PLXND1: variants seen among roughly 807,000 people sequenced by gnomAD.
PLXND1 encodes the protein plexin D1, also known as plexin-D1.
A neutral mutation model predicts 197.7 loss-of-function variants in PLXND1; 54 were observed. That is an observed-to-expected ratio of 0.27 (90% CI 0.22 to 0.34). PLXND1 has a LOEUF of 0.34. Ranked by LOEUF, PLXND1 falls within the 10% of genes least tolerant of loss-of-function variation. PLXND1 has a pLI of 1.00. For missense variants in PLXND1, 2,127 were observed against 2,699.2 expected, an observed-to-expected ratio of 0.79 and a Z score of 4.70; for synonymous variants, 1,180 against 1,161.2, an observed-to-expected ratio of 1.02 and a Z score of -0.33.
chr3:129,572,889 C>T lies in PLXND1; in HGVS notation c.2890G>A (p.Val964Met), dbSNP rs553781761. 65 of 1,613,944 alleles carry T rather than the reference C, an allele frequency of 4.0e-5. No homozygotes were observed. The Middle Eastern group carries it at 1.2e-3, about 29-fold the overall frequency. ...APGPLSGVVT[V>M]NASKEGKSRD... is the part of the protein sequence containing the mutation. ...GACTTGCCCTCCTTAGAGGCGTTCA[C>T]GGTCACCACACCTGAGAGTGGTCCT... Residue 964 changes from valine to methionine, a missense_variant, in exon 14 of 36, where the codon GTG (valine) becomes ATG (methionine). Transcript: ENST00000324093.
At chr3:129,572,529 G>A in intron 15 of PLXND1, 80 bp downstream of exon 15, 1 of 1,274,438 alleles carries the variant, frequency 7.8e-7, no homozygotes, top group Admixed American at 3.2e-5. Flanking sequence ...TTGGCTCAAG[G>A]ATGTCACCTC....
chr3:129,580,979 C>T (rs1157851055), intron 8 of PLXND1, among the ~76,000 whole-genome samples: 1 of 152,136 alleles, frequency 6.6e-6, no homozygotes, highest in Non-Finnish European at 1.5e-5. Flanking sequence ...ACGGGGCACA[C>T]ATCCACCTTC....
intron 11 of PLXND1, among the ~76,000 whole-genome samples, 182 bp downstream of exon 11, chr3:129,575,287 C>A (rs992493006): frequency 1.3e-5 from 2 of 152,200 alleles, no homozygotes; most frequent in African/African-American, 4.8e-5. Flanking sequence ...GCACGGAGAC[C>A]CCAAGGCCTG....
At chr3:129,571,883 T>C (rs748445824) in intron 15 of PLXND1, 39 bp from the exon 16 acceptor site, 1 of 1,543,296 alleles carries the variant, frequency 6.5e-7, no homozygotes, top group Admixed American at 1.9e-5. Flanking sequence ...GCCTGCCTTC[T>C]GCTGCTCACC....
At position 129,557,733 on chromosome 3, in the gene PLXND1, AT is replaced by A. The variant is rs2084994995; in HGVS notation, c.5446-511del. ...GCAGTACGTGAGTAGTAGTGGAGCG[AT>A]GGCATTTTCTCCTTCCCGTGGTCCG... On this transcript the variant is annotated intron_variant, in intron 33 of 35. Transcript: ENST00000324093. This position sits in a 1 kb window ranked among gnomAD's most constrained non-coding sequence, Gnocchi z 4.8. Among the ~76,000 whole-genome samples, 1 of 152,210 alleles carries A rather than the reference AT, an allele frequency of 6.6e-6. No individual in the cohort carries two copies. Among genetic ancestry groups the A allele is most frequent in the African/African-American group, 2.4e-5 (1 of 41,456 alleles).
chr3:129,584,364 C>T (rs1390890502), intron 6 of PLXND1, 21 bp downstream of exon 6: 1 of 1,608,604 alleles, frequency 6.2e-7, no homozygotes, highest in East Asian at 2.2e-5. Context: ...TGGGGCTGTG[C>T]CAACAGCACA....
Position 129,559,744 on chromosome 3 carries a change from T to C in PLXND1, c.5173A>G (p.Ile1725Val). 1 of 1,612,832 alleles carries C rather than the reference T, an allele frequency of 6.2e-7. No homozygotes were observed. The highest frequency in any genetic ancestry group is 8.5e-7 in the Non-Finnish European group (1 of 1,179,616). ...QKFLDDLFKA[I>V]LSIREDKPPL... is the part of the protein sequence containing the mutation. The stretch of plus-strand genomic sequence containing the variant: ...GGCTTGTCTTCACGGATACTCAGAA[T>C]GGCCTTGAACAGGTCATCCAGAAAC... The change falls in exon 32 of 36, where the codon ATT becomes GTT. Residue 1725 changes from isoleucine to valine, a missense_variant. Ile to Val is a conservative substitution (Grantham distance 29). Around this residue, in one of 6 missense-constraint regions of PLXND1, gnomAD observed 200 missense variants for 303.3 expected, o/e 0.66. Coordinates refer to ENST00000324093, the MANE Select transcript of PLXND1 (RefSeq NM_015103.3).
At chr3:129,580,970 C>T (rs1578337108) in intron 8 of PLXND1, among the ~76,000 whole-genome samples, 1 of 152,078 alleles carries the variant, frequency 6.6e-6, no homozygotes, top group African/African-American at 2.4e-5. Flanking sequence ...CACCTGCAAA[C>T]GGGGCACACA....
chr3:129,574,231 C>T (rs900319103), intron 12 of PLXND1, 105 bp downstream of exon 12: 17 of 1,013,058 alleles, frequency 1.7e-5, no homozygotes, highest in East Asian at 1.6e-4. Flanking sequence ...ACCCATGTGT[C>T]GGTGTATGTG....
intron 25 of PLXND1, among the ~76,000 whole-genome samples, chr3:129,563,725 T>G (rs1300438453): frequency 6.6e-6 from 1 of 152,220 alleles, no homozygotes; most frequent in Non-Finnish European, 1.5e-5. Context: ...TGGGGCTCAA[T>G]GTCCCTGCTC....
Position 129,558,430 on chromosome 3 carries a change from T to G in PLXND1, c.5443A>C (p.Lys1815Gln), listed in dbSNP as rs1170700831. ...ACSISDLQLGKDSPTNKLLYA... is the reference protein window; with the variant it reads ...ACSISDLQLGQDSPTNKLLYA... Reference sequence around the variant, plus strand: ...GCCTGGTCCTGGGAACAGCTGACCTTGCCCAGCTGCAGGTCAGAGATGGAG... The same window carrying G: ...GCCTGGTCCTGGGAACAGCTGACCTGGCCCAGCTGCAGGTCAGAGATGGAG... Residue 1815 changes from lysine to glutamine, a missense_variant and splice_region_variant, in exon 33 of 36, where the codon AAG becomes CAG. Physicochemically the swap from Lys to Gln is moderately conservative, Grantham distance 53 (BLOSUM62 1). Transcript: ENST00000324093. The surrounding 1 kb of genome is among the most constrained non-coding windows in gnomAD (Gnocchi z 4.1). 4 of 1,613,202 alleles carry G rather than the reference T, an allele frequency of 2.5e-6. No individual in the cohort carries two copies. The Admixed American group carries it at 5.0e-5, about 20-fold the overall frequency.
intron 1 of PLXND1, among the ~76,000 whole-genome samples, chr3:129,598,437 T>C (rs1467132664): frequency 2.0e-5 from 3 of 152,010 alleles, no homozygotes; most frequent in African/African-American, 7.2e-5. Context: ...TCACATACTC[T>C]AGAGAGCTCC....
Position 129,580,131 on chromosome 3 carries a change from T to C in PLXND1, c.2242-1698A>G, listed in dbSNP as rs145185117. Among the ~76,000 whole-genome samples the C allele has an allele frequency of 2.1e-3, 315 of 152,224 alleles. 2 individuals carry two copies. Among genetic ancestry groups the C allele is most frequent in the African/African-American group, 7.5e-3 (310 of 41,532 alleles). On this transcript the variant is annotated intron_variant, in intron 8 of 35. Transcript: ENST00000324093. ...CAGAAGCAAAGCAGTTTGCCTACAG[T>C]GGAATGAGCAACACAGGAAGGCTCC...
At chr3:129,567,355 A>AC in intron 22 of PLXND1, 137 bp downstream of exon 22, 1 of 628,818 alleles carries the variant, frequency 1.6e-6, no homozygotes, top group South Asian at 1.9e-5. Flanking sequence ...GGCCAGGGCA[A>AC]GTGGCCAGGA....
At chr3:129,595,173 C>A (rs895826869) in intron 1 of PLXND1, among the ~76,000 whole-genome samples, 1 of 152,258 alleles carries the variant, frequency 6.6e-6, no homozygotes, top group African/African-American at 2.4e-5. Flanking sequence ...CAGCCGCACA[C>A]AGCCAGGCCA....
chr3:129,571,719 T>C lies in PLXND1; in HGVS notation c.3203A>G (p.Asn1068Ser). The C allele has an allele frequency of 6.2e-7, 1 of 1,613,604 alleles. No homozygotes were observed. Among genetic ancestry groups the C allele is most frequent in the South Asian group, 1.1e-5 (1 of 91,070 alleles). ...HGNLTFWYMQNPVITAISPRR... is the reference protein window; with the variant it reads ...HGNLTFWYMQSPVITAISPRR... ...GGGACTGATGGCCGTGATGACCGGG[T>C]TCTGCATGTACCAGAAGGTGAGGTT... is the stretch of plus-strand genomic sequence containing the variant. Residue 1068 changes from asparagine (N) to serine (S), a missense_variant, in exon 16 of 36, where the codon AAC (asparagine) becomes AGC (serine). Physicochemically the swap from Asn to Ser is conservative, Grantham distance 46. Coordinates refer to ENST00000324093, the MANE Select transcript of PLXND1 (RefSeq NM_015103.3).
intron 2 of PLXND1, among the ~76,000 whole-genome samples, chr3:129,588,409 C>T (rs1003023256): frequency 1.7e-4 from 25 of 151,144 alleles, no homozygotes; most frequent in South Asian, 6.4e-4. Flanking sequence ...CACTGAGGCT[C>T]GCAGGGGAGA....
At chr3:129,584,072 G>A (rs1437645829) in intron 7 of PLXND1, 53 bp downstream of exon 7, 7 of 1,190,212 alleles carry the variant, frequency 5.9e-6, no homozygotes, top group Admixed American at 2.0e-5. Context: ...GACCCTTCCC[G>A]GGGATGCGTT....
At chr3:129,559,949 C>T (rs543778849) in intron 31 of PLXND1, among the ~76,000 whole-genome samples, 166 bp from the exon 32 acceptor site, 3 of 152,310 alleles carry the variant, frequency 2.0e-5, no homozygotes, top group South Asian at 2.1e-4. Flanking sequence ...CTCCCAGAGG[C>T]GTTGAAAGGA....
Sources: gnomAD v4.1 joint callset for allele counts (sites outside exome capture counted in the v4.1 genomes callset) on GRCh38, gnomAD v4.1.1 for gene constraint, gnomAD v4.1.1 regional missense constraint, Gnocchi (gnomAD v3.1) non-coding constraint, MANE v1.5 for transcripts, NCBI Gene and HGNC (gene_info 2026-07-23, HGNC 2026-07-21) for gene names.